The following FAT2 variants were observed in gnomAD, a reference collection of about 807,000 sequenced individuals.
FAT2 encodes FAT atypical cadherin 2.
In FAT2, 150 loss-of-function variants were observed where a neutral mutation model predicts 295.3. The ratio of observed to expected loss-of-function variants is 0.51; its 90% CI spans 0.44 to 0.58. The LOEUF (loss-of-function observed/expected upper bound fraction) is 0.58, where lower values mean the gene tolerates loss of function less well. Ranked by LOEUF, FAT2 falls within the 20% of genes least tolerant of loss-of-function variation. The pLI is 0.00. For synonymous variants in FAT2, 2,026 were observed against 2,150.3 expected (o/e 0.94, Z 1.60); for missense variants, 4,868 against 5,442.7 (o/e 0.89, Z 3.32).
chr5:151,550,504 G>A, intron 8 of FAT2, 86 bp downstream of exon 8: 2 of 1,451,592 alleles, frequency 1.4e-6, no homozygotes, highest in African/African-American at 1.4e-5. Flanking sequence ...TGAGGGGAAG[G>A]GGGACCTTCA....
chr5:151,543,577 T>C lies in FAT2; in HGVS notation c.7550A>G (p.Asp2517Gly), dbSNP rs1213461694. 2 of 1,614,198 alleles carry C rather than the reference T, an allele frequency of 1.2e-6. No homozygotes were observed. The highest frequency in any genetic ancestry group is 1.7e-6 in the Non-Finnish European group (2 of 1,180,032). ...DKDSGPYGTI[D>G]YTIINKLASE... is the part of the protein sequence containing the mutation. ...TGCTAGTTTATTGATGATAGTATAA[T>C]CTATAGTGCCATAGGGACCACTATC... The change falls in exon 10 of 24, where the codon GAT becomes GGT. Residue 2517 changes from aspartate (D) to glycine (G), a missense_variant. Transcript: ENST00000261800.
At chr5:151,546,839 C>A (rs1756690136) in intron 9 of FAT2, among the ~76,000 whole-genome samples, 1 of 152,072 alleles carries the variant, frequency 6.6e-6, no homozygotes, top group Non-Finnish European at 1.5e-5. Context: ...CAGCCTCAGC[C>A]TCTGGTGGGA....
In FAT2 at chr5:151,521,480, G is replaced by A. The variant is rs2127579516; in HGVS notation, c.11113C>T (p.His3705Tyr). 1 of 1,614,236 alleles carries A rather than the reference G, an allele frequency of 6.2e-7. No individual in the cohort carries two copies. Among genetic ancestry groups the A allele is most frequent in the Non-Finnish European group, 8.5e-7 (1 of 1,180,036 alleles). The change falls in exon 19 of 24, where the codon CAC (histidine) becomes TAC (tyrosine). Residue 3705 changes from histidine (H) to tyrosine (Y), a missense_variant. His to Tyr is a moderately conservative substitution (Grantham distance 83). Around this residue, in one of 5 missense-constraint regions of FAT2, gnomAD observed 1,046 missense variants for 1,210.1 expected, o/e 0.86. Transcript: ENST00000261800. Reference sequence around the variant, plus strand: ...GAATGCTCCATCTCCTTGGCTGAGTGAGTGATGATGGATGCTAGCTCCTGA... The same window carrying A: ...GAATGCTCCATCTCCTTGGCTGAGTAAGTGATGATGGATGCTAGCTCCTGA... ...EFQELASIIT[H>Y]SAKEMEHSVG...
In FAT2 at chr5:151,512,490, C is replaced by T. The variant is rs1761398844; in HGVS notation, c.11580G>A (p.Met3860Ile). 15 of 1,614,060 alleles carry T rather than the reference C, an allele frequency of 9.3e-6. No homozygotes were observed. Among genetic ancestry groups the T allele is most frequent in the African/African-American group, 2.7e-5 (2 of 74,916 alleles). Residue 3860 changes from methionine (M) to isoleucine (I), a missense_variant, in exon 21 of 24, where the codon ATG becomes ATA. By Grantham distance (10) the Met-to-Ile change is conservative. Around this residue, in one of 5 missense-constraint regions of FAT2, gnomAD observed 1,046 missense variants for 1,210.1 expected, o/e 0.86. Coordinates refer to ENST00000261800, the MANE Select transcript of FAT2 (RefSeq NM_001447.3). This position sits in a 1 kb window ranked among gnomAD's most constrained non-coding sequence, Gnocchi z 4.1. ...CAACCATCAGGCGAATGGAAGCGTC[C>T]ATCTCCTCCACCAGGATGGAGTGCC... is the stretch of plus-strand genomic sequence containing the variant. ...HEWHSILVEEMDASIRLMVDS... is the reference protein window; with the variant it reads ...HEWHSILVEEIDASIRLMVDS...
Position 151,506,050 on chromosome 5 carries a change from C to T in FAT2, c.12565G>A (p.Glu4189Lys), listed in dbSNP as rs915420766. The change falls in exon 24 of 24, where the codon GAA (glutamate) becomes AAA (lysine). Residue 4189 changes from glutamate to lysine, a missense_variant. Coordinates refer to ENST00000261800, the MANE Select transcript of FAT2 (RefSeq NM_001447.3). ...TCGGAGTGGGGGTATTCCCAGCGTTCGTTCCTGGAGTAAGTAGGGGGCCAG... is the reference window on the plus strand; with the variant it reads ...TCGGAGTGGGGGTATTCCCAGCGTTTGTTCCTGGAGTAAGTAGGGGGCCAG... ...MVWPPTYSRN[E>K]RWEYPHSEVT... The T allele has an allele frequency of 3.2e-6, 5 of 1,558,602 alleles. No individual in the cohort carries two copies. Among genetic ancestry groups the T allele is most frequent in the African/African-American group, 1.4e-5 (1 of 72,996 alleles).
At chr5:151,534,991 A>G (rs1581362004) in intron 12 of FAT2, among the ~76,000 whole-genome samples, 3 of 142,556 alleles carry the variant, frequency 2.1e-5, no homozygotes, top group Non-Finnish European at 4.6e-5. Flanking sequence ...ATATATATAT[A>G]TATATGTATA....
chr5:151,577,160 C>T (rs1239621316), intron 1 of FAT2, among the ~76,000 whole-genome samples: 2 of 152,062 alleles, frequency 1.3e-5, no homozygotes, highest in South Asian at 2.1e-4. Flanking sequence ...ATAATTATCA[C>T]TTATAATTGT....
rs1053022703 is a variant in FAT2, at chr5:151,506,678, C to G, written c.12517+476G>C. Among the ~76,000 whole-genome samples the G allele has an allele frequency of 3.3e-5, 5 of 152,306 alleles. No individual in the cohort carries two copies. In the South Asian group the frequency reaches 6.2e-4, roughly 19 times the overall value. ...CCTATCATAACTGCTAATGATTATG[C>G]CAAAACATGAAGTGCTTTACTAATG... is the stretch of plus-strand genomic sequence containing the variant. On this transcript the variant is annotated intron_variant, in intron 23 of 23. Coordinates refer to ENST00000261800, the MANE Select transcript of FAT2 (RefSeq NM_001447.3).
chr5:151,588,906 A>G (rs1321165048), intron 1 of FAT2, among the ~76,000 whole-genome samples: 1 of 152,178 alleles, frequency 6.6e-6, no homozygotes, highest in African/African-American at 2.4e-5. Context: ...AGAAAGAACT[A>G]TGATGATCCC....
At chr5:151,574,526 A>G (rs564604980) in intron 1 of FAT2, among the ~76,000 whole-genome samples, 1 of 152,378 alleles carries the variant, frequency 6.6e-6, no homozygotes, top group African/African-American at 2.4e-5. Flanking sequence ...CTGCTAGTCA[A>G]GTCTTAGCCA....
rs1760732078 is a variant in FAT2 at position 151,504,992 on chromosome 5, G to C, written c.*573C>G. The C allele has an allele frequency of 6.4e-6, 1 of 155,058 alleles. No homozygotes were observed. The highest frequency in any genetic ancestry group is 1.4e-5 in the Non-Finnish European group (1 of 70,348). The allele number at this position is 155,058 out of a possible 1,614,324, so 9.6% of individuals were successfully genotyped here. A position where few individuals can be genotyped will look rare whatever the true frequency, so the allele number is the denominator to read the frequency against. ...AAAGCACAGTGCCTGACGTGGAGCA[G>C]ACACTTGACAAAGACACAGTGAGTG... On this transcript the variant is annotated 3_prime_UTR_variant, in exon 24 of 24. Transcript: ENST00000261800.
intron 1 of FAT2, among the ~76,000 whole-genome samples, chr5:151,573,394 G>A (rs1372602977): frequency 6.6e-6 from 1 of 152,226 alleles, no homozygotes; most frequent in Non-Finnish European, 1.5e-5. Flanking sequence ...AGTGGCTCAT[G>A]CCTGTGATCT....
intron 17 of FAT2, among the ~76,000 whole-genome samples, chr5:151,526,186 T>C (rs1212332833): frequency 6.6e-6 from 1 of 152,182 alleles, no homozygotes; most frequent in Non-Finnish European, 1.5e-5. Context: ...TGTTGGGTCT[T>C]AGAAACACAG....
chr5:151,572,829 C>T (rs1036141023), intron 1 of FAT2, among the ~76,000 whole-genome samples: 1 of 152,248 alleles, frequency 6.6e-6, no homozygotes, highest in Non-Finnish European at 1.5e-5. Context: ...CCACTGGTCT[C>T]TGGTCGAGTC....
At chr5:151,520,994 A>G (rs984234292) in intron 19 of FAT2, among the ~76,000 whole-genome samples, 11 of 152,372 alleles carry the variant, frequency 7.2e-5, no homozygotes, top group African/African-American at 2.2e-4. Context: ...ATTTTAACCC[A>G]TGAAGACTGA....
At chr5:151,569,870 A>G (rs1054458113) in intron 1 of FAT2, among the ~76,000 whole-genome samples, 4 of 152,256 alleles carry the variant, frequency 2.6e-5, no homozygotes, top group Non-Finnish European at 5.9e-5. Flanking sequence ...AAAGTGACCA[A>G]GATCCCAGGC....
chr5:151,582,428 G>A (rs1758995826), intron 1 of FAT2, among the ~76,000 whole-genome samples: 1 of 152,230 alleles, frequency 6.6e-6, no homozygotes, highest in South Asian at 2.1e-4. Flanking sequence ...AATTCCCTGA[G>A]GGGATGGGGG....
chr5:151,538,038 A>G, intron 11 of FAT2, 92 bp from the exon 12 acceptor site: 1 of 1,141,134 alleles, frequency 8.8e-7, no homozygotes, highest in Non-Finnish European at 1.3e-6. Flanking sequence ...AGGCAGAAGC[A>G]GAAAGAGAGA....
intron 7 of FAT2, among the ~76,000 whole-genome samples, 168 bp downstream of exon 7, chr5:151,551,299 T>C (rs1234416468): frequency 6.6e-6 from 1 of 152,146 alleles, no homozygotes; most frequent in Non-Finnish European, 1.5e-5. Context: ...GGAGAAAGAA[T>C]TCTCCCAGGA....
Sources: allele counts gnomAD v4.1 joint callset (sites outside exome capture counted in the v4.1 genomes callset), GRCh38; gene constraint gnomAD v4.1.1; regional missense constraint gnomAD v4.1.1; non-coding constraint Gnocchi (gnomAD v3.1); transcripts MANE v1.5; gene names NCBI Gene and HGNC (gene_info 2026-07-23, HGNC 2026-07-21).